The following CDH13 variants were observed in gnomAD, a reference collection of about 807,000 sequenced individuals.
CDH13 encodes the protein cadherin-13.
CDH13 carries 24 observed loss-of-function variants against 63.8 expected under a neutral mutation model. The ratio of observed to expected loss-of-function variants is 0.38; its 90% confidence interval spans 0.27 to 0.53. The LOEUF (loss-of-function observed/expected upper bound fraction) is 0.53, where lower values mean the gene tolerates loss of function less well. Among genes scored for constraint, CDH13 ranks in the 20% least tolerant of loss-of-function variants. The pLI is 0.85. For synonymous variants in CDH13, 503 were observed against 355.3 expected (o/e 1.42, Z -4.67); for missense variants, 1,049 against 903.1 (o/e 1.16, Z -2.07).
chr16:83,170,737 A>T (rs2037880163), intron 4 of CDH13, among the ~76,000 whole-genome samples: 1 of 152,164 alleles, frequency 6.6e-6, no homozygotes, highest in Non-Finnish European at 1.5e-5. Flanking sequence ...AGTAAAATGG[A>T]AAGTCCAAGA....
intron 5 of CDH13, among the ~76,000 whole-genome samples, chr16:83,240,279 G>A (rs1044278961): frequency 1.3e-5 from 2 of 152,110 alleles, no homozygotes; most frequent in African/African-American, 2.4e-5. Flanking sequence ...AGGCCTGGGA[G>A]GGGGTGGATC....
chr16:82,844,671 G>C (rs1207481705), intron 1 of CDH13: 5 of 127,684 alleles, frequency 3.9e-5, no homozygotes, highest in East Asian at 4.5e-4. Flanking sequence ...ACAGAGTCTC[G>C]CTCTGTCACC....
At chr16:83,749,842 G>T (rs532767553) in intron 11 of CDH13, among the ~76,000 whole-genome samples, 1 of 152,150 alleles carries the variant, frequency 6.6e-6, no homozygotes, top group African/African-American at 2.4e-5. Flanking sequence ...AGCCTGGGGG[G>T]TAGTCATGGA....
At chr16:83,379,415 A>T (rs1597872146) in intron 6 of CDH13, among the ~76,000 whole-genome samples, 1 of 152,140 alleles carries the variant, frequency 6.6e-6, no homozygotes, top group African/African-American at 2.4e-5. Flanking sequence ...GAGTGGATGG[A>T]TGGATGGTAA....
intron 4 of CDH13, among the ~76,000 whole-genome samples, chr16:83,158,836 T>C (rs1250143106): frequency 2.0e-5 from 3 of 152,122 alleles, no homozygotes; most frequent in Admixed American, 2.0e-4. Context: ...GGCGGGGTGG[T>C]CCTTGGTACC....
At chr16:83,463,798 C>T (rs1047440427) in intron 6 of CDH13, among the ~76,000 whole-genome samples, 1 of 152,110 alleles carries the variant, frequency 6.6e-6, no homozygotes, top group African/African-American at 2.4e-5. Context: ...GAGTGAGACT[C>T]TGTCTCCAAA....
chr16:83,291,186 G>C (rs904277947), intron 5 of CDH13, among the ~76,000 whole-genome samples: 1 of 152,186 alleles, frequency 6.6e-6, no homozygotes, highest in Non-Finnish European at 1.5e-5. Flanking sequence ...ATGAATGGAA[G>C]AATTAATGGA....
At chr16:83,216,121 TC>T (rs1406842245) in intron 4 of CDH13, among the ~76,000 whole-genome samples, 10 of 151,960 alleles carry the variant, frequency 6.6e-5, no homozygotes, top group Admixed American at 2.6e-4. Flanking sequence ...TGCTGTTCCC[TC>T]TGCCTGGAAC....
intron 5 of CDH13, among the ~76,000 whole-genome samples, chr16:83,308,343 C>T (rs777010824): frequency 6.6e-5 from 10 of 152,074 alleles, no homozygotes; most frequent in South Asian, 2.1e-4. Context: ...GCTAGTTGAT[C>T]GAGAAAATAT....
intron 2 of CDH13, among the ~76,000 whole-genome samples, chr16:82,927,297 C>T (rs908133469): frequency 2.0e-5 from 3 of 152,126 alleles, no homozygotes; most frequent in Admixed American, 6.5e-5. Flanking sequence ...AAATAAACTC[C>T]TACTCACGGA....
intron 1 of CDH13, among the ~76,000 whole-genome samples, chr16:82,792,613 C>G (rs947932653): frequency 5.9e-5 from 9 of 152,052 alleles, no homozygotes; most frequent in African/African-American, 2.2e-4. Flanking sequence ...CCACTGCATC[C>G]CCAACTCTGA....
chr16:83,367,387 A>G (rs2091278619), intron 6 of CDH13, among the ~76,000 whole-genome samples: 1 of 152,166 alleles, frequency 6.6e-6, no homozygotes, highest in South Asian at 2.1e-4. Flanking sequence ...ACATTTATCC[A>G]TTTAAAAGTC....
chr16:83,482,109 A>G (rs13336728), intron 6 of CDH13, among the ~76,000 whole-genome samples: 12,780 of 152,166 alleles, frequency 0.084, 1,704 homozygotes, highest in African/African-American at 0.28. Flanking sequence ...GTCGTGGAAA[A>G]TCTCCAGGCA....
chr16:82,976,691 G>A (rs904902641), intron 2 of CDH13, among the ~76,000 whole-genome samples: 2 of 152,164 alleles, frequency 1.3e-5, no homozygotes, highest in Admixed American at 6.5e-5. Context: ...GAGGGGTTCA[G>A]ACTCCCAAAT....
chr16:83,129,679 A>G (rs1597386272), intron 4 of CDH13, among the ~76,000 whole-genome samples: 1 of 152,250 alleles, frequency 6.6e-6, no homozygotes. Flanking sequence ...ATTCCCTGGC[A>G]TATCTGGTCT....
At chr16:83,707,836 C>CACAAAGAAAAAAAAAAAAAAAAAAA (rs1907337318) in intron 10 of CDH13, among the ~76,000 whole-genome samples, 1 of 78,902 alleles carries the variant, frequency 1.3e-5, no homozygotes, top group Non-Finnish European at 2.3e-5. Context: ...ACCCTAAAGG[C>CACAAAGAAAAAAAAAAAAAAAAAAA]AAAAAAAAAA....
intron 5 of CDH13, among the ~76,000 whole-genome samples, chr16:83,270,601 G>T (rs1201877351): frequency 6.6e-6 from 1 of 152,142 alleles, no homozygotes; most frequent in Non-Finnish European, 1.5e-5. Flanking sequence ...GTCCACGAAT[G>T]GATGCGGATC....
intron 10 of CDH13, among the ~76,000 whole-genome samples, chr16:83,698,191 G>A (rs1905677177): frequency 2.0e-5 from 3 of 152,372 alleles, no homozygotes; most frequent in Admixed American, 1.3e-4. Flanking sequence ...GTACAGGACT[G>A]TAGTGTGTCC....
At chr16:83,643,959 C>T (rs891182733) in intron 8 of CDH13, among the ~76,000 whole-genome samples, 2 of 152,172 alleles carry the variant, frequency 1.3e-5, no homozygotes, top group Non-Finnish European at 2.9e-5. Flanking sequence ...TCCTAGAGAG[C>T]GTTTGAGGAA....
Sources: gnomAD v4.1 joint callset for allele counts (sites outside exome capture counted in the v4.1 genomes callset) on GRCh38, gnomAD v4.1.1 for gene constraint, MANE v1.5 for transcripts, NCBI Gene and HGNC (gene_info 2026-07-23, HGNC 2026-07-21) for gene names.